F2: variants seen among roughly 807,000 people sequenced by gnomAD.
The protein encoded by F2 is prothrombin.
In F2, 34 loss-of-function variants were observed where a neutral mutation model predicts 81.9. The ratio of observed to expected loss-of-function variants is 0.42; its 90% CI spans 0.32 to 0.55. F2 has a LOEUF of 0.55. F2 is among the 20% of genes least tolerant of loss of function. The pLI is 0.18. For missense variants in F2, 630 were observed against 833.4 expected (o/e 0.76, Z 3.00); for synonymous variants, 296 against 326.4 (o/e 0.91, Z 1.01).
At chr11:46,735,133 A>T (rs563588093) in intron 12 of F2, among the ~76,000 whole-genome samples, 1 of 152,248 alleles carries the variant, frequency 6.6e-6, no homozygotes, top group African/African-American at 2.4e-5. Flanking sequence ...ACAACATAGC[A>T]AGACCCTGTC....
At chr11:46,721,037 A>T (rs2064833127) in intron 4 of F2, among the ~76,000 whole-genome samples, 197 bp downstream of exon 4, 1 of 151,974 alleles carries the variant, frequency 6.6e-6, no homozygotes, top group South Asian at 2.1e-4. Context: ...GAATGAATGG[A>T]CTAATGAATT....
intron 12 of F2, among the ~76,000 whole-genome samples, chr11:46,737,156 T>G (rs1327948430): frequency 6.6e-6 from 1 of 152,142 alleles, no homozygotes; most frequent in Non-Finnish European, 1.5e-5. Flanking sequence ...TTTTTCTTTT[T>G]TTTGAGATGG....
At position 46,723,334 on chromosome 11, in the gene F2, GCGTAC is replaced by G. The variant is rs2134527933; in HGVS notation, c.423-46_423-42del. 6.2e-7 allele frequency: 1 copy of G among 1,613,628 alleles called. No individual in the cohort carries two copies. Among genetic ancestry groups the G allele is most frequent in the South Asian group, 1.1e-5 (1 of 91,080 alleles). On this transcript the variant is annotated intron_variant, in intron 5 of 13. Transcript: ENST00000311907. This position sits in a 1 kb window ranked among gnomAD's most constrained non-coding sequence, Gnocchi z 5.6. ...ACCATGGGCTGAGAACAGGGAGCAA[GCGTAC>G]CTCAAGCCCAACAGCCTCCTGTTGG...
chr11:46,723,460 C>T lies in F2; in HGVS notation c.501C>T (p.Pro167=), dbSNP rs369468882. The T allele has an allele frequency of 6.2e-7, 1 of 1,614,130 alleles. No individual in the cohort carries two copies. The highest frequency in any genetic ancestry group is 2.2e-5 in the East Asian group (1 of 44,872). Residue 167 remains proline (P), a synonymous_variant, in exon 6 of 14, where the codon CCC becomes CCT. Transcript: ENST00000311907. This position sits in a 1 kb window ranked among gnomAD's most constrained non-coding sequence, Gnocchi z 5.6. Reference sequence around the variant, plus strand: ...ACCCCGACAGCAGCACCACGGGACCCTGGTGCTACACTACAGACCCCACCG... The same window carrying T: ...ACCCCGACAGCAGCACCACGGGACCTTGGTGCTACACTACAGACCCCACCG... The part of the protein sequence containing the change: ...CRNPDSSTTG[P]WCYTTDPTVR...
chr11:46,720,477 C>CT (rs2064829364), intron 2 of F2, 46 bp from the exon 3 acceptor site: 1 of 1,612,434 alleles, frequency 6.2e-7, no homozygotes, highest in African/African-American at 1.3e-5. Context: ...TAAAACAACA[C>CT]AAAACAGGAG....
rs998251790 is a variant in F2 at position 46,728,894 on chromosome 11, C to G, written c.1472+57C>G. On this transcript the variant is annotated intron_variant, in intron 11 of 13. Coordinates refer to ENST00000311907, the MANE Select transcript of F2 (RefSeq NM_000506.5). The surrounding 1 kb of genome is among the most constrained non-coding windows in gnomAD (Gnocchi z 5.1). ...CAGAAGCCAAGTTCTGGGCCTGGCTCTGATACCAAGTAGCCTTGCAAGAGC... is the reference window on the plus strand; with the variant it reads ...CAGAAGCCAAGTTCTGGGCCTGGCTGTGATACCAAGTAGCCTTGCAAGAGC... 2.5e-6 allele frequency: 4 copies of G among 1,591,916 alleles called. No homozygotes were observed. In the African/African-American group the frequency reaches 4.0e-5, roughly 16 times the overall value.
Position 46,729,634 on chromosome 11 carries a change from A to G in F2, c.1654+73A>G, listed in dbSNP as rs79487477. 13,037 of 1,558,308 alleles carry G rather than the reference A, an allele frequency of 8.4e-3. 89 individuals carry two copies. The highest frequency in any genetic ancestry group is 8.9e-3 in the Non-Finnish European group (10,149 of 1,142,478). Reference sequence around the variant, plus strand: ...GAGAACTGAGTTGTGCCTGGGTTCAAGCCATGTGACTTTGAGCAAGTTGCC... The same window carrying G: ...GAGAACTGAGTTGTGCCTGGGTTCAGGCCATGTGACTTTGAGCAAGTTGCC... On this transcript the variant is annotated intron_variant, in intron 12 of 13. Transcript: ENST00000311907.
chr11:46,721,881 C>T (rs917614132), intron 4 of F2, among the ~76,000 whole-genome samples: 7 of 147,578 alleles, frequency 4.7e-5, no homozygotes, highest in Admixed American at 6.8e-5. Flanking sequence ...CTCACTCTGT[C>T]GCCTAGGCTG....
Position 46,728,366 on chromosome 11 carries a change from G to A in F2, c.1298+203G>A, listed in dbSNP as rs2064889810. Reference sequence around the variant, plus strand: ...GCGGGGAGAAATCCGTCTGTCTCCTGGTCCCTCCAACACTAGGATATAGCC... The same window carrying A: ...GCGGGGAGAAATCCGTCTGTCTCCTAGTCCCTCCAACACTAGGATATAGCC... On this transcript the variant is annotated intron_variant, in intron 10 of 13. Transcript: ENST00000311907. This position sits in a 1 kb window ranked among gnomAD's most constrained non-coding sequence, Gnocchi z 5.1. 1.3e-5 allele frequency among the ~76,000 whole-genome samples: 2 copies of A among 152,212 alleles called. No individual in the cohort carries two copies. The highest frequency in any genetic ancestry group is 4.1e-4 in the South Asian group (2 of 4,828).
chr11:46,739,408 GGGGGCCAC>G lies in F2; in HGVS notation c.*1_*8del. 6.2e-7 allele frequency: 1 copy of G among 1,614,088 alleles called. No homozygotes were observed. Reference sequence around the variant, plus strand: ...AGGTCATTGATCAGTTTGGAGAGTAGGGGGCCACTCATATTCTGGGCTCCTGGAACCAA... The same window carrying G: ...AGGTCATTGATCAGTTTGGAGAGTAGTCATATTCTGGGCTCCTGGAACCAA... On this transcript the variant is annotated 3_prime_UTR_variant, in exon 14 of 14. Coordinates refer to ENST00000311907, the MANE Select transcript of F2 (RefSeq NM_000506.5).
At position 46,726,488 on chromosome 11, in the gene F2, G is replaced by A; in HGVS notation, c.875-10G>A. 1 of 1,612,720 alleles carries A rather than the reference G, an allele frequency of 6.2e-7. No individual in the cohort carries two copies. The highest frequency in any genetic ancestry group is 8.5e-7 in the Non-Finnish European group (1 of 1,179,108). On this transcript the variant is annotated splice_polypyrimidine_tract_variant and intron_variant, in intron 7 of 13. Transcript: ENST00000311907. The surrounding 1 kb of genome is among the most constrained non-coding windows in gnomAD (Gnocchi z 5.9). ...CAGCCCAGTCCCAGCCGGTGCCTGG[G>A]TCCCAACAGAGGAGGCCGTGGAGGA...
At chr11:46,731,438 C>T (rs1200113513) in intron 12 of F2, among the ~76,000 whole-genome samples, 1 of 152,096 alleles carries the variant, frequency 6.6e-6, no homozygotes, top group Non-Finnish European at 1.5e-5. Flanking sequence ...ACCTCGGCTT[C>T]CCAAAGTGCT....
chr11:46,736,325 C>T (rs1020968272), intron 12 of F2, among the ~76,000 whole-genome samples: 10 of 152,324 alleles, frequency 6.6e-5, no homozygotes, highest in Non-Finnish European at 1.0e-4. Context: ...CCCTGTGCTG[C>T]CCAGGCTGAT....
In F2 at chr11:46,729,535, G is replaced by T. The variant is rs143064939; in HGVS notation, c.1628G>T (p.Arg543Leu). ...RPVCKDSTRI[R>L]ITDNMFCAGY... ...GTCTGCAAGGACTCCACCCGGATCC[G>T]CATCACTGACAACATGTTCTGTGCT... Residue 543 changes from arginine (R) to leucine (L), a missense_variant, in exon 12 of 14, where the codon CGC becomes CTC. Physicochemically the swap from Arg to Leu is moderately radical, Grantham distance 102 (BLOSUM62 -2). Coordinates refer to ENST00000311907, the MANE Select transcript of F2 (RefSeq NM_000506.5). The T allele has an allele frequency of 9.9e-4, 1,597 of 1,613,614 alleles. 32 individuals are homozygous for T. The Admixed American group carries it at 0.025, about 25-fold the overall frequency.
In F2 at chr11:46,719,912, T is replaced by C; in HGVS notation, c.240+50T>C. 3.9e-6 allele frequency: 6 copies of C among 1,541,668 alleles called. No homozygotes were observed. The highest frequency in any genetic ancestry group is 5.2e-6 in the Non-Finnish European group (6 of 1,146,090). On this transcript the variant is annotated intron_variant, in intron 2 of 13. Coordinates refer to ENST00000311907, the MANE Select transcript of F2 (RefSeq NM_000506.5). The surrounding 1 kb of genome is among the most constrained non-coding windows in gnomAD (Gnocchi z 4.7). ...GCCGGGGCCTCAGACCGGGCCCAACTCTAGACACTTCCACAGAGAAGCAAG... is the reference window on the plus strand; with the variant it reads ...GCCGGGGCCTCAGACCGGGCCCAACCCTAGACACTTCCACAGAGAAGCAAG...
rs749131356 is a variant in F2, at chr11:46,726,249, C to T, written c.874+76C>T. 1.2e-4 allele frequency: 187 copies of T among 1,572,806 alleles called. No homozygotes were observed. Among genetic ancestry groups the T allele is most frequent in the Non-Finnish European group, 1.5e-4 (179 of 1,157,066 alleles). On this transcript the variant is annotated intron_variant, in intron 7 of 13. Transcript: ENST00000311907. The surrounding 1 kb of genome is among the most constrained non-coding windows in gnomAD (Gnocchi z 5.9). ...AATAACAACAGCCGCTTCTGCTTAT[C>T]GAACGCTTACCTCATTGAGTGCGCT... is the stretch of plus-strand genomic sequence containing the variant.
At chr11:46,738,134 G>A (rs1023004126) in intron 12 of F2, among the ~76,000 whole-genome samples, 3 of 151,992 alleles carry the variant, frequency 2.0e-5, no homozygotes, top group African/African-American at 7.3e-5. Flanking sequence ...CTGAGTAGCT[G>A]GGATTATAGG....
Position 46,719,692 on chromosome 11 carries a change from C to T in F2, c.80-10C>T, listed in dbSNP as rs759788134. On this transcript the variant is annotated splice_polypyrimidine_tract_variant and intron_variant, in intron 1 of 13. Transcript: ENST00000311907. The surrounding 1 kb of genome is among the most constrained non-coding windows in gnomAD (Gnocchi z 4.7). ...GGCCGCTGTCCCATGACCCCCCCAC[C>T]GCCTTACAGTGTTCCTGGCTCCTCA... is the stretch of plus-strand genomic sequence containing the variant. 47 of 1,583,046 alleles carry T rather than the reference C, an allele frequency of 3.0e-5. No individual in the cohort carries two copies. Among genetic ancestry groups the T allele is most frequent in the Non-Finnish European group, 3.5e-5 (41 of 1,165,658 alleles).
Position 46,739,378 on chromosome 11 carries a change from A to G in F2, c.1839A>G (p.Ile613Met). ...ATGTGTTCCGCCTGAAGAAGTGGATACAGAAGGTCATTGATCAGTTTGGAG... is the reference window on the plus strand; with the variant it reads ...ATGTGTTCCGCCTGAAGAAGTGGATGCAGAAGGTCATTGATCAGTTTGGAG... ...YTHVFRLKKW[I>M]QKVIDQFGE Residue 613 changes from isoleucine to methionine, a missense_variant, in exon 14 of 14, where the codon ATA becomes ATG. By Grantham distance (10) the Ile-to-Met change is conservative (BLOSUM62 1). Transcript: ENST00000311907. The G allele has an allele frequency of 6.2e-7, 1 of 1,614,176 alleles. No homozygotes were observed. Among genetic ancestry groups the G allele is most frequent in the Non-Finnish European group, 8.5e-7 (1 of 1,180,040 alleles).
Sources: allele counts gnomAD v4.1 joint callset (sites outside exome capture counted in the v4.1 genomes callset), GRCh38; gene constraint gnomAD v4.1.1; non-coding constraint Gnocchi (gnomAD v3.1); transcripts MANE v1.5; gene names NCBI Gene and HGNC (gene_info 2026-07-23, HGNC 2026-07-21).